The following ADAM8 variants were observed in gnomAD, a reference collection of about 807,000 sequenced individuals.
The protein encoded by ADAM8 is ADAM metallopeptidase domain 8, also known as disintegrin and metalloproteinase domain-containing protein 8.
ADAM8 carries 104 observed loss-of-function variants against 102.4 expected under a neutral mutation model. The ratio of observed to expected loss-of-function variants is 1.02; its 90% CI spans 0.87 to 1.20. The LOEUF is 1.20. Among genes scored for constraint, ADAM8 ranks in the 50% most tolerant of loss-of-function variants. ADAM8 has a pLI of 0.00. For synonymous variants in ADAM8, 517 were observed against 485.2 expected, an observed-to-expected ratio of 1.07 and a Z score of -0.86; for missense variants, 1,132 against 1,159.0, an observed-to-expected ratio of 0.98 and a Z score of 0.34.
At chr10:133,273,047 A>C (rs776501005) in intron 6 of ADAM8, 28 bp from the exon 7 acceptor site, 3 of 1,612,672 alleles carry the variant, frequency 1.9e-6, no homozygotes, top group Non-Finnish European at 2.5e-6. Flanking sequence ...GAAGCCAGTC[A>C]GCCTTCCCAG....
chr10:133,270,609 T>C (rs1846488660), intron 15 of ADAM8, 99 bp from the exon 16 acceptor site: 1 of 1,542,356 alleles, frequency 6.5e-7, no homozygotes, highest in East Asian at 2.3e-5. Context: ...CACGGTGCGC[T>C]TGAGCCTGGG....
In ADAM8 at chr10:133,262,950, C is replaced by T. The variant is rs1589798124; in HGVS notation, c.*206G>A. The T allele has an allele frequency of 4.3e-6, 3 of 695,124 alleles. No homozygotes were observed. The highest frequency in any genetic ancestry group is 7.8e-6 in the Non-Finnish European group (3 of 386,498). 43.1% of individuals were successfully genotyped at this position (695,124 alleles called of 1,614,324 possible). A position where few individuals can be genotyped will look rare whatever the true frequency, so the allele number is the denominator to read the frequency against. ...GTGCCTGCAGACAGCTGGGGCTACA[C>T]GTGGCCAAGGCGGGGAGAAGGAATT... is the stretch of plus-strand genomic sequence containing the variant. On this transcript the variant is annotated 3_prime_UTR_variant, in exon 23 of 23. Transcript: ENST00000445355.
intron 1 of ADAM8, 49 bp from the exon 2 acceptor site, chr10:133,275,636 C>T (rs1846725739): frequency 1.9e-6 from 2 of 1,078,096 alleles, no homozygotes; most frequent in East Asian, 6.3e-5. Flanking sequence ...GGCAGGTTTC[C>T]TTCCCAGAGG....
chr10:133,265,672 C>T (rs1589800966), intron 21 of ADAM8, among the ~76,000 whole-genome samples: 1 of 151,924 alleles, frequency 6.6e-6, no homozygotes. Context: ...TCGCGGGCAC[C>T]TGTAGTCTCA....
At chr10:133,270,316 C>T (rs371855476) in intron 16 of ADAM8, 44 bp downstream of exon 16, 87 of 1,553,882 alleles carry the variant, frequency 5.6e-5, no homozygotes, top group African/African-American at 2.6e-4. Flanking sequence ...GGCACATGCC[C>T]GGGATGCCTG....
In ADAM8 at chr10:133,270,473, G is replaced by A. The variant is rs191678600; in HGVS notation, c.1672C>T (p.Gln558Ter). 3.7e-5 allele frequency: 59 copies of A among 1,604,150 alleles called. No homozygotes were observed. The highest frequency in any genetic ancestry group is 4.7e-5 in the Non-Finnish European group (55 of 1,173,118). Residue 558 changes from glutamine to a stop codon, truncating the protein, a stop_gained, in exon 16 of 23, where the codon CAG becomes TAG. Transcript: ENST00000445355. LOFTEE classifies it high-confidence loss of function. ...MCGVLQCKGG[Q>*]QPLGRAICIV... The stretch of plus-strand genomic sequence containing the variant: ...CAGATGGCACGCCCCAGGGGCTGCT[G>A]CCCACCCTTGCACTGCAGAACGCCA...
rs781246794 is a variant in ADAM8, at chr10:133,271,997, C to T, written c.958-43G>A. The T allele has an allele frequency of 6.6e-5, 105 of 1,594,144 alleles. No individual in the cohort carries two copies. In the East Asian group the frequency reaches 2.3e-3, roughly 35 times the overall value. ...CTCTCAGGAACCATGTGGCCAACTC[C>T]CCACGCCTGCCACCCTCACCCCACC... is the stretch of plus-strand genomic sequence containing the variant. On this transcript the variant is annotated intron_variant, in intron 10 of 22. Coordinates refer to ENST00000445355, the MANE Select transcript of ADAM8 (RefSeq NM_001109.5).
At chr10:133,272,718 G>A in intron 8 of ADAM8, 80 bp downstream of exon 8, 2 of 1,527,636 alleles carry the variant, frequency 1.3e-6, no homozygotes, top group Non-Finnish European at 8.8e-7. Flanking sequence ...GCTGGAGCAG[G>A]TGGAATGAAC....
At chr10:133,273,887 C>A in intron 4 of ADAM8, 49 bp from the exon 5 acceptor site, 1 of 1,553,056 alleles carries the variant, frequency 6.4e-7, no homozygotes, top group Non-Finnish European at 8.7e-7. Flanking sequence ...CCCATGGCCC[C>A]ACAGGCTCGG....
Position 133,271,006 on chromosome 10 carries a change from T to A in ADAM8, c.1439A>T (p.Asp480Val). ...KDMCDLEEFC[D>V]GRHPECPEDA... ...TTCCGGGCACTCAGGGTGCCGGCCG[T>A]CACAGAACTCCTCGAGGTCACACAT... The change falls in exon 14 of 23, where the codon GAC becomes GTC. Residue 480 changes from aspartate (D) to valine (V), a missense_variant. Transcript: ENST00000445355. The A allele has an allele frequency of 6.2e-7, 1 of 1,612,796 alleles. No homozygotes were observed. The highest frequency in any genetic ancestry group is 8.5e-7 in the Non-Finnish European group (1 of 1,179,956).
intron 11 of ADAM8, 33 bp from the exon 12 acceptor site, chr10:133,271,738 C>A: frequency 6.4e-7 from 1 of 1,571,908 alleles, no homozygotes; most frequent in Non-Finnish European, 8.6e-7. Flanking sequence ...GGGGAGGCGG[C>A]CTGGCCCCTT....
Position 133,270,774 on chromosome 10 carries a change from G to C in ADAM8, c.1596C>G (p.Ser532=), listed in dbSNP as rs1479027422. 1 of 1,607,526 alleles carries C rather than the reference G, an allele frequency of 6.2e-7. No homozygotes were observed. Among genetic ancestry groups the C allele is most frequent in the Non-Finnish European group, 8.5e-7 (1 of 1,176,910 alleles). ...GGQAAEESCF[S]YDILPGCKAS... is the part of the protein sequence containing the mutation. ...CCTTGCAGCCTGGTAGGATGTCATA[G>C]GAGAAGCAGGACTCCTCGGCAGCCT... Residue 532 remains serine (S), a synonymous_variant, in exon 15 of 23, where the codon TCC becomes TCG. Transcript: ENST00000445355.
chr10:133,266,477 A>G (rs1436850648), intron 21 of ADAM8, among the ~76,000 whole-genome samples: 2 of 152,036 alleles, frequency 1.3e-5, no homozygotes, highest in Admixed American at 1.3e-4. Context: ...TCTTCCATGC[A>G]CAGCCCAGTC....
In ADAM8 at chr10:133,267,456, G is replaced by T. The variant is rs113224991; in HGVS notation, c.2254-39C>A. On this transcript the variant is annotated intron_variant, in intron 20 of 22. Coordinates refer to ENST00000445355, the MANE Select transcript of ADAM8 (RefSeq NM_001109.5). ...GGCCGAGAGCCTGGGTCAGAGCTGG[G>T]ACCCCCGTGCCCCTCCAGCACCCCC... The T allele has an allele frequency of 1.1e-3, 1,676 of 1,570,292 alleles. 15 individuals carry two copies. In the African/African-American group the frequency reaches 0.019, roughly 18 times the overall value.
chr10:133,263,678 G>T lies in ADAM8; in HGVS notation c.2397+10C>A, dbSNP rs1047006130. On this transcript the variant is annotated intron_variant, in intron 22 of 22. Transcript: ENST00000445355. Reference sequence around the variant, plus strand: ...CAGTGGACTCTGCCTGGTGTGTGCTGGGGCCTCACCTCAGCTGGACCAGGG... The same window carrying T: ...CAGTGGACTCTGCCTGGTGTGTGCTTGGGCCTCACCTCAGCTGGACCAGGG... 1 of 1,550,494 alleles carries T rather than the reference G, an allele frequency of 6.4e-7. No individual in the cohort carries two copies. The highest frequency in any genetic ancestry group is 8.7e-7 in the Non-Finnish European group (1 of 1,146,782).
Position 133,271,092 on chromosome 10 carries a change from C to T in ADAM8, c.1375-22G>A, listed in dbSNP as rs949477572. 5 of 1,603,886 alleles carry T rather than the reference C, an allele frequency of 3.1e-6. No individual in the cohort carries two copies. In the African/African-American group the frequency reaches 4.0e-5, roughly 13 times the overall value. On this transcript the variant is annotated intron_variant, in intron 13 of 22. Coordinates refer to ENST00000445355, the MANE Select transcript of ADAM8 (RefSeq NM_001109.5). ...TCACCTGGCCCAGCAGAGAACAGCT[C>T]ACCATGGGGACAGGTCCACGCAAGC...
intron 19 of ADAM8, among the ~76,000 whole-genome samples, 157 bp from the exon 20 acceptor site, chr10:133,268,275 C>T (rs1392619279): frequency 1.3e-5 from 2 of 152,170 alleles, no homozygotes; most frequent in Admixed American, 1.3e-4. Context: ...TGGGGCGGAC[C>T]CTGAAGAGGC....
rs1306668985 is a variant in ADAM8, at chr10:133,272,194, T to C, written c.956A>G (p.Gln319Arg). 2.6e-6 allele frequency: 4 copies of C among 1,549,850 alleles called. No homozygotes were observed. Among genetic ancestry groups the C allele is most frequent in the Non-Finnish European group, 3.5e-6 (4 of 1,146,788 alleles). The part of the protein sequence containing the change: ...MCSHSSGAVN[Q>R]DHSKNPVGVA... The stretch of plus-strand genomic sequence containing the variant: ...AAACCCGGGCAGGAGCCCCCTCACC[T>C]GGTTCACAGCCCCTGAGCTGTGGGA... The change falls in exon 10 of 23, where the codon CAG (glutamine) becomes CGG (arginine). Residue 319 changes from glutamine (Q) to arginine (R), a missense_variant and splice_region_variant. By Grantham distance (43) the Gln-to-Arg change is conservative. Transcript: ENST00000445355.
chr10:133,271,334 C>T (rs781651420), intron 12 of ADAM8, 45 bp from the exon 13 acceptor site: 2 of 1,585,408 alleles, frequency 1.3e-6, no homozygotes, highest in Admixed American at 3.5e-5. Context: ...TGGGGCCGGG[C>T]TGGGCTCCAG....
Sources: allele counts gnomAD v4.1 joint callset (sites outside exome capture counted in the v4.1 genomes callset), GRCh38; gene constraint gnomAD v4.1.1; transcripts MANE v1.5; gene names NCBI Gene and HGNC (gene_info 2026-07-23, HGNC 2026-07-21).